The following SPATC1 variants were observed in gnomAD, a reference collection of about 807,000 sequenced individuals.
The protein encoded by SPATC1 is spermatogenesis and centriole associated 1.
Under a neutral mutation model 36.5 loss-of-function variants are expected in SPATC1, and 35 were observed. The observed-to-expected ratio is 0.96, with a 90% CI of 0.73 to 1.27. The LOEUF is 1.27. SPATC1 is among the 50% of genes most tolerant of loss of function. SPATC1 has a pLI of 0.00. For missense variants in SPATC1, 779 were observed against 796.0 expected (o/e 0.98, Z 0.26); for synonymous variants, 361 against 353.6 (o/e 1.02, Z -0.24).
At chr8:144,029,074 A>T (rs1834742573) in intron 1 of SPATC1, among the ~76,000 whole-genome samples, 1 of 151,928 alleles carries the variant, frequency 6.6e-6, no homozygotes. Context: ...GAGGGAGAGC[A>T]TCAGGAAAAA....
At chr8:144,018,331 C>G (rs1418435572) in intron 1 of SPATC1, among the ~76,000 whole-genome samples, 1 of 152,076 alleles carries the variant, frequency 6.6e-6, no homozygotes, top group African/African-American at 2.4e-5. Context: ...GGTGAAAAGT[C>G]AGTGAGAAAA....
rs112053939 is a variant in SPATC1 at position 144,016,306 on chromosome 8, C to T, written c.211+3580C>T. 4.6e-5 allele frequency among the ~76,000 whole-genome samples: 7 copies of T among 151,794 alleles called. No homozygotes were observed. The highest frequency in any genetic ancestry group is 3.9e-4 in the East Asian group (2 of 5,184). ...AGAGGATATGGTGTATCTGCTTTGACGGTGTGTGATTTGTGAGTGAATGTG... is the reference window on the plus strand; with the variant it reads ...AGAGGATATGGTGTATCTGCTTTGATGGTGTGTGATTTGTGAGTGAATGTG... On this transcript the variant is annotated intron_variant, in intron 1 of 4. Coordinates refer to ENST00000377470, the MANE Select transcript of SPATC1 (RefSeq NM_198572.3). This position sits in a 1 kb window ranked among gnomAD's most constrained non-coding sequence, Gnocchi z 4.5.
chr8:144,023,031 CCT>C (rs1587496442), intron 1 of SPATC1, among the ~76,000 whole-genome samples: 25,706 of 135,512 alleles, frequency 0.19, 2,840 homozygotes, highest in South Asian at 0.34. Context: ...CCCTGAGGAA[CCT>C]CGTCCCTCAG....
At position 144,046,703 on chromosome 8, in the gene SPATC1, T is replaced by A. The variant is rs575934699; in HGVS notation, c.1523T>A (p.Met508Lys). The change falls in exon 5 of 5, where the codon ATG becomes AAG. Residue 508 changes from methionine to lysine, a missense_variant. Coordinates refer to ENST00000377470, the MANE Select transcript of SPATC1 (RefSeq NM_198572.3). The surrounding 1 kb of genome is among the most constrained non-coding windows in gnomAD (Gnocchi z 6.6). ...QRLTQRYVSVMNRLQSLGYNG... is the reference protein window; with the variant it reads ...QRLTQRYVSVKNRLQSLGYNG... The stretch of plus-strand genomic sequence containing the variant: ...CTCACACAGCGCTATGTGAGCGTCA[T>A]GAACAGGCTGCAGAGTCTGGGCTAC... The A allele has an allele frequency of 4.7e-5, 76 of 1,612,630 alleles. No homozygotes were observed. In the Middle Eastern group the frequency reaches 9.9e-4, roughly 21 times the overall value.
Position 144,039,988 on chromosome 8 carries a change from G to C in SPATC1, c.291G>C (p.Leu97=). The C allele has an allele frequency of 6.2e-7, 1 of 1,613,980 alleles. No homozygotes were observed. The highest frequency in any genetic ancestry group is 8.5e-7 in the Non-Finnish European group (1 of 1,179,998). ...TGGGGATCATGGCCTTGGCACCCCTGGCCGAGATGCTAACCAGCTTGCAGC... is the reference window on the plus strand; with the variant it reads ...TGGGGATCATGGCCTTGGCACCCCTCGCCGAGATGCTAACCAGCTTGCAGC... ...EEVGIMALAP[L]AEMLTSLQPS... is the part of the protein sequence containing the mutation. Residue 97 remains leucine (L), a synonymous_variant, in exon 2 of 5, where the codon CTG becomes CTC. Coordinates refer to ENST00000377470, the MANE Select transcript of SPATC1 (RefSeq NM_198572.3).
At chr8:144,044,810 G>A (rs754388401) in intron 4 of SPATC1, among the ~76,000 whole-genome samples, 8 of 152,056 alleles carry the variant, frequency 5.3e-5, no homozygotes, top group Non-Finnish European at 7.3e-5. Context: ...TTAGCTGGGC[G>A]TGGAGGCATA....
intron 1 of SPATC1, among the ~76,000 whole-genome samples, chr8:144,032,901 C>T (rs1257208097): frequency 1.3e-5 from 2 of 151,864 alleles, no homozygotes; most frequent in Non-Finnish European, 2.9e-5. Context: ...TTTCCATGAG[C>T]ACACACAACA....
intron 1 of SPATC1, among the ~76,000 whole-genome samples, chr8:144,027,494 G>A (rs1834709087): frequency 1.3e-5 from 2 of 152,128 alleles, no homozygotes; most frequent in African/African-American, 4.8e-5. Context: ...TTGTGCCTTA[G>A]GTGTTATAGC....
intron 4 of SPATC1, 150 bp downstream of exon 4, chr8:144,041,521 G>T: frequency 9.6e-7 from 1 of 1,042,152 alleles, no homozygotes; most frequent in Non-Finnish European, 1.4e-6. Flanking sequence ...CGGCCTGCAG[G>T]TGTTGGGGCA....
chr8:144,024,735 C>A (rs1834638474), intron 1 of SPATC1, among the ~76,000 whole-genome samples: 1 of 135,848 alleles, frequency 7.4e-6, no homozygotes, highest in African/African-American at 2.8e-5. Flanking sequence ...TGACGACCCT[C>A]TTCCCTGAAA....
intron 1 of SPATC1, among the ~76,000 whole-genome samples, chr8:144,021,706 CCCCTCAGGAGCCTCTT>C (rs1346344545): frequency 4.1e-5 from 2 of 48,920 alleles, no homozygotes; most frequent in Admixed American, 2.2e-4. Context: ...AAAACCCTTC[CCCCTCAGGAGCCTCTT>C]CCCTCAGGAC....
At chr8:144,024,508 A>G (rs1370023664) in intron 1 of SPATC1, among the ~76,000 whole-genome samples, 7 of 112,838 alleles carry the variant, frequency 6.2e-5, no homozygotes, top group Admixed American at 2.8e-4. Context: ...CCCCCTTGGG[A>G]TCCTCTCCCC....
chr8:144,016,729 G>A lies in SPATC1; in HGVS notation c.211+4003G>A, dbSNP rs782805028. ...CGGCTCACCGCAACCTCCACCTCCC[G>A]AGTTCAAGTGATTCTCCTGCCTGAG... On this transcript the variant is annotated intron_variant, in intron 1 of 4. Coordinates refer to ENST00000377470, the MANE Select transcript of SPATC1 (RefSeq NM_198572.3). This position sits in a 1 kb window ranked among gnomAD's most constrained non-coding sequence, Gnocchi z 4.5. 1.8e-4 allele frequency among the ~76,000 whole-genome samples: 28 copies of A among 152,130 alleles called. No homozygotes were observed. Among genetic ancestry groups the A allele is most frequent in the Non-Finnish European group, 3.8e-4 (26 of 68,032 alleles).
chr8:144,038,819 C>T (rs971211895), intron 1 of SPATC1, among the ~76,000 whole-genome samples: 4 of 152,170 alleles, frequency 2.6e-5, no homozygotes, highest in South Asian at 2.1e-4. Flanking sequence ...ATACACCCTC[C>T]CTCATTCACC....
chr8:144,041,125 C>A lies in SPATC1; in HGVS notation c.1306+18C>A, dbSNP rs782352570. 5.7e-6 allele frequency: 9 copies of A among 1,580,306 alleles called. No individual in the cohort carries two copies. In the Admixed American group the frequency reaches 1.6e-4, roughly 28 times the overall value. ...CCCCCGAGGTCAGTGACACTGCGGGCTCCACGCGGGTCGGGCCCCCAGGCC... is the reference window on the plus strand; with the variant it reads ...CCCCCGAGGTCAGTGACACTGCGGGATCCACGCGGGTCGGGCCCCCAGGCC... On this transcript the variant is annotated intron_variant, in intron 3 of 4. Coordinates refer to ENST00000377470, the MANE Select transcript of SPATC1 (RefSeq NM_198572.3).
chr8:144,042,517 T>G (rs1157117909), intron 4 of SPATC1, among the ~76,000 whole-genome samples: 1 of 151,460 alleles, frequency 6.6e-6, no homozygotes, highest in African/African-American at 2.4e-5. Context: ...AGACGGGGTT[T>G]CTCCATGTTG....
At chr8:144,038,432 CAAA>C (rs371767912) in intron 1 of SPATC1, among the ~76,000 whole-genome samples, 2 of 116,166 alleles carry the variant, frequency 1.7e-5, no homozygotes, top group African/African-American at 6.3e-5. Context: ...GACTCTGTCT[CAAA>C]AAAAAAAAAA....
intron 1 of SPATC1, among the ~76,000 whole-genome samples, chr8:144,013,140 G>A (rs1554752687): frequency 1.3e-5 from 2 of 152,016 alleles, no homozygotes; most frequent in African/African-American, 2.4e-5. Context: ...GCTCTAGAAC[G>A]GTCACAAGTG....
intron 1 of SPATC1, among the ~76,000 whole-genome samples, chr8:144,022,902 C>A (rs888142691): frequency 6.8e-6 from 1 of 147,416 alleles, no homozygotes; most frequent in African/African-American, 2.5e-5. Context: ...TTGTGACCAT[C>A]CCCCGCCATG....
Sources: gnomAD v4.1 joint callset for allele counts (sites outside exome capture counted in the v4.1 genomes callset) on GRCh38, gnomAD v4.1.1 for gene constraint, Gnocchi (gnomAD v3.1) non-coding constraint, MANE v1.5 for transcripts, NCBI Gene and HGNC (gene_info 2026-07-23, HGNC 2026-07-21) for gene names.